Variants in AKAP8 observed in about 807,000 individuals in gnomAD.
The protein encoded by AKAP8 is A-kinase anchoring protein 8.
AKAP8 carries 24 observed loss-of-function variants against 67.5 expected under a neutral mutation model. The observed-to-expected ratio is 0.36, with a 90% CI of 0.26 to 0.50. AKAP8 has a LOEUF of 0.50. AKAP8 is among the 20% of genes least tolerant of loss of function. AKAP8 has a pLI of 0.97. For synonymous variants in AKAP8, 400 were observed against 371.1 expected, an observed-to-expected ratio of 1.08 and a Z score of -0.90; for missense variants, 971 against 955.9, an observed-to-expected ratio of 1.02 and a Z score of -0.21.
intron 2 of AKAP8, among the ~76,000 whole-genome samples, chr19:15,375,107 C>T (rs542120635): frequency 3.3e-5 from 5 of 152,294 alleles, no homozygotes; most frequent in Admixed American, 2.0e-4. Flanking sequence ...CCTGAAACAC[C>T]GGGTGGTGGC....
chr19:15,368,446 C>G lies in AKAP8; in HGVS notation c.1073-124G>C. ...GTGCCCTGCCACTGCCTGCACCACG[C>G]GGCAGGGTCCAGGATGCCCCAAGGC... is the stretch of plus-strand genomic sequence containing the variant. On this transcript the variant is annotated intron_variant, in intron 8 of 13. Transcript: ENST00000269701. The G allele has an allele frequency of 2.6e-6, 4 of 1,568,484 alleles. No individual in the cohort carries two copies. The South Asian group carries it at 4.7e-5, about 18-fold the overall frequency.
intron 9 of AKAP8, among the ~76,000 whole-genome samples, chr19:15,367,392 G>C (rs1967087925): frequency 6.6e-6 from 1 of 152,166 alleles, no homozygotes; most frequent in Non-Finnish European, 1.5e-5. Context: ...GCCAGGCGTG[G>C]TGTCAGGCGC....
intron 13 of AKAP8, among the ~76,000 whole-genome samples, chr19:15,355,605 G>A (rs2048273175): frequency 6.6e-6 from 1 of 151,690 alleles, no homozygotes; most frequent in Admixed American, 6.6e-5. Context: ...GCCCAGGCTG[G>A]ACTGCAGTGG....
At chr19:15,355,675 A>T (rs1599553848) in intron 13 of AKAP8, among the ~76,000 whole-genome samples, 1 of 150,632 alleles carries the variant, frequency 6.6e-6, no homozygotes, top group Non-Finnish European at 1.5e-5. Context: ...TGGGGTTTCC[A>T]CCCACCTCAG....
chr19:15,375,180 G>A (rs1189545821), intron 2 of AKAP8, among the ~76,000 whole-genome samples: 1 of 152,196 alleles, frequency 6.6e-6, no homozygotes, highest in Non-Finnish European at 1.5e-5. Flanking sequence ...AACAAAGGAA[G>A]CCCTCGTGCC....
At chr19:15,356,534 C>A (rs1438369783) in intron 13 of AKAP8, among the ~76,000 whole-genome samples, 1 of 152,020 alleles carries the variant, frequency 6.6e-6, no homozygotes, top group African/African-American at 2.4e-5. Context: ...GAGGCTGGGG[C>A]TGGAGGACTG....
At chr19:15,379,478 C>T in intron 1 of AKAP8, 1 of 482,966 alleles carries the variant, frequency 2.1e-6, no homozygotes, top group Non-Finnish European at 3.6e-6. Context: ...CTGCCCCAAC[C>T]CCGAGTCCCG....
intron 2 of AKAP8, 40 bp downstream of exon 2, chr19:15,376,936 G>C: frequency 6.2e-7 from 1 of 1,600,204 alleles, no homozygotes; most frequent in Non-Finnish European, 8.5e-7. Flanking sequence ...CTTGAGTTAG[G>C]GGAAGCCCAC....
chr19:15,366,909 C>A (rs930163647), intron 9 of AKAP8, among the ~76,000 whole-genome samples: 3 of 149,934 alleles, frequency 2.0e-5, no homozygotes, highest in Admixed American at 6.7e-5. Context: ...GCCCCCAGCC[C>A]GTTTCTTTTT....
rs201984375 is a variant in AKAP8, at chr19:15,368,225, C to T, written c.1160+10G>A. The T allele has an allele frequency of 1.1e-4, 179 of 1,610,670 alleles. 1 individual carries two copies. The East Asian group carries it at 3.0e-3, about 27-fold the overall frequency. Reference sequence around the variant, plus strand: ...ACCTCCTCCTGTGGGGTCGTGTGCCCGCGCCTCACCTGTCGGCTGCACGGT... The same window carrying T: ...ACCTCCTCCTGTGGGGTCGTGTGCCTGCGCCTCACCTGTCGGCTGCACGGT... On this transcript the variant is annotated intron_variant, in intron 9 of 13. Coordinates refer to ENST00000269701, the MANE Select transcript of AKAP8 (RefSeq NM_005858.4).
At chr19:15,356,046 A>C (rs1027907523) in intron 13 of AKAP8, among the ~76,000 whole-genome samples, 1 of 151,978 alleles carries the variant, frequency 6.6e-6, no homozygotes, top group African/African-American at 2.4e-5. Context: ...TGCAATTTTT[A>C]ATCAAGCATG....
chr19:15,376,076 C>T (rs534920661), intron 2 of AKAP8, among the ~76,000 whole-genome samples: 4 of 152,182 alleles, frequency 2.6e-5, no homozygotes, highest in East Asian at 1.9e-4. Context: ...ACTACAGGCA[C>T]GCACTGCCAC....
Position 15,372,886 on chromosome 19 carries a change from C to G in AKAP8, c.826G>C (p.Gly276Arg). Residue 276 changes from glycine (G) to arginine (R), a missense_variant, in exon 5 of 14, where the codon GGC becomes CGC. Around this residue, in one of 3 missense-constraint regions of AKAP8, gnomAD observed 763 missense variants for 745.4 expected, o/e 1.02. Coordinates refer to ENST00000269701, the MANE Select transcript of AKAP8 (RefSeq NM_005858.4). The stretch of plus-strand genomic sequence containing the variant: ...TCCCGCATCCGAGGCTGCGAGCGGC[C>G]ACATCCGTAGGGCATGGTGCTGTCA... ...GYDSTMPYGC[G>R]RSQPRMRDRD... 6.6e-7 allele frequency: 1 copy of G among 1,504,014 alleles called. No homozygotes were observed. Among genetic ancestry groups the G allele is most frequent in the Non-Finnish European group, 8.9e-7 (1 of 1,127,132 alleles). 93.2% of individuals were successfully genotyped at this position (1,504,014 alleles called of 1,614,324 possible). A position where few individuals can be genotyped will look rare whatever the true frequency, so the allele number is the denominator to read the frequency against.
chr19:15,363,143 A>G (rs1393126378), intron 9 of AKAP8, among the ~76,000 whole-genome samples: 5 of 126,426 alleles, frequency 4.0e-5, no homozygotes, highest in African/African-American at 6.2e-5. Flanking sequence ...TCTGAGAAGT[A>G]AGGAGCCCCT....
Position 15,371,992 on chromosome 19 carries a change from G to A in AKAP8, c.998C>T (p.Ala333Val), listed in dbSNP as rs1967166212. 3.1e-6 allele frequency: 5 copies of A among 1,614,138 alleles called. No homozygotes were observed. Among genetic ancestry groups the A allele is most frequent in the Middle Eastern group, 1.7e-4 (1 of 6,060 alleles). The change falls in exon 7 of 14, where the codon GCA becomes GTA. Residue 333 changes from alanine to valine, a missense_variant. Physicochemically the swap from Ala to Val is moderately conservative, Grantham distance 64. Coordinates refer to ENST00000269701, the MANE Select transcript of AKAP8 (RefSeq NM_005858.4). ...SEGDFSENDDAAGDFRSGDEE... is the reference protein window; with the variant it reads ...SEGDFSENDDVAGDFRSGDEE... ...ATCTCCTGAGCGGAAGTCACCAGCT[G>A]CGTCATCTGCCAGACACAAAGAAAG...
intron 1 of AKAP8, among the ~76,000 whole-genome samples, chr19:15,378,392 T>A (rs766311963): frequency 1.3e-5 from 2 of 152,076 alleles, no homozygotes; most frequent in Non-Finnish European, 2.9e-5. Flanking sequence ...CAGGGAAGCT[T>A]AACTATCTCC....
chr19:15,379,602 TG>T, intron 1 of AKAP8, 110 bp downstream of exon 1: 1 of 1,329,136 alleles, frequency 7.5e-7, no homozygotes, highest in Non-Finnish European at 1.0e-6. Flanking sequence ...AGGGCCCAGC[TG>T]GGGCAACCAC....
intron 5 of AKAP8, 71 bp from the exon 6 acceptor site, chr19:15,372,418 G>A (rs1239212761): frequency 1.9e-6 from 3 of 1,580,796 alleles, no homozygotes; most frequent in African/African-American, 2.7e-5. Flanking sequence ...AAAGAACAAG[G>A]AGGTTGTAGG....
At chr19:15,358,848 C>G in intron 13 of AKAP8, 119 bp downstream of exon 13, 1 of 912,462 alleles carries the variant, frequency 1.1e-6, no homozygotes, top group Non-Finnish European at 1.8e-6. Flanking sequence ...TCCAGTGTCC[C>G]TCAACTGTCA....
Sources: gnomAD v4.1 joint callset for allele counts (sites outside exome capture counted in the v4.1 genomes callset) on GRCh38, gnomAD v4.1.1 for gene constraint, gnomAD v4.1.1 regional missense constraint, MANE v1.5 for transcripts, NCBI Gene and HGNC (gene_info 2026-07-23, HGNC 2026-07-21) for gene names.